The following TNFAIP8L3 variants were observed in gnomAD, a reference collection of about 807,000 sequenced individuals.
TNFAIP8L3 encodes the protein tumor necrosis factor alpha-induced protein 8-like protein 3.
In TNFAIP8L3, 7 loss-of-function variants were observed where a neutral mutation model predicts 11.8. The observed-to-expected ratio is 0.59, with a 90% CI of 0.34 to 1.11. TNFAIP8L3 has a LOEUF of 1.11. Among genes scored for constraint, TNFAIP8L3 ranks in the 50% most tolerant of loss-of-function variants. The pLI is 0.03. For synonymous variants in TNFAIP8L3, 98 were observed against 103.8 expected (o/e 0.94, Z 0.34); for missense variants, 219 against 258.6 (o/e 0.85, Z 1.05).
chr15:51,057,736 G>T lies in TNFAIP8L3; in HGVS notation c.*145C>A. ...GAAAAACACACCTGAGCTCAGTTCAGCATCAGAATCAGCATCAGAGGGATG... is the reference window on the plus strand; with the variant it reads ...GAAAAACACACCTGAGCTCAGTTCATCATCAGAATCAGCATCAGAGGGATG... On this transcript the variant is annotated 3_prime_UTR_variant, in exon 2 of 2. Coordinates refer to ENST00000637513, the MANE Select transcript of TNFAIP8L3 (RefSeq NM_001311175.2). 1 of 716,326 alleles carries T rather than the reference G, an allele frequency of 1.4e-6. No individual in the cohort carries two copies. The highest frequency in any genetic ancestry group is 2.2e-6 in the Non-Finnish European group (1 of 447,616). The allele number at this position is 716,326 out of a possible 1,614,324, so 44.4% of individuals were successfully genotyped here.
intron 1 of TNFAIP8L3, among the ~76,000 whole-genome samples, chr15:51,066,914 A>T (rs1595607402): frequency 6.6e-6 from 1 of 152,320 alleles, no homozygotes; most frequent in Non-Finnish European, 1.5e-5. Context: ...CCCTTGTATA[A>T]AACTGTTGTT....
At chr15:51,104,348 G>A (rs1230920694) in intron 1 of TNFAIP8L3, among the ~76,000 whole-genome samples, 3 of 152,056 alleles carry the variant, frequency 2.0e-5, no homozygotes, top group Non-Finnish European at 2.9e-5. Context: ...GCCAGAGTTC[G>A]AGCTTTCTCA....
intron 1 of TNFAIP8L3, among the ~76,000 whole-genome samples, chr15:51,070,274 A>C (rs1041904604): frequency 6.6e-6 from 1 of 152,224 alleles, no homozygotes; most frequent in Non-Finnish European, 1.5e-5. Context: ...TCACTGCAGA[A>C]AAGTAACCAT....
chr15:51,068,628 C>A (rs1469864371), intron 1 of TNFAIP8L3, among the ~76,000 whole-genome samples: 1 of 151,424 alleles, frequency 6.6e-6, no homozygotes, highest in Non-Finnish European at 1.5e-5. Context: ...GTCTCTCTCC[C>A]CTTTGTCGTC....
intron 1 of TNFAIP8L3, among the ~76,000 whole-genome samples, chr15:51,088,391 T>C (rs12911168): frequency 0.23 from 34,250 of 152,150 alleles, 4,085 homozygotes; most frequent in East Asian, 0.44. Flanking sequence ...CCAAATCACA[T>C]TGCCCTATGC....
At chr15:51,104,335 C>T (rs2065574372) in intron 1 of TNFAIP8L3, among the ~76,000 whole-genome samples, 1 of 152,142 alleles carries the variant, frequency 6.6e-6, no homozygotes, top group Admixed American at 6.5e-5. Flanking sequence ...CAGCTACACC[C>T]AAGCCAGAGT....
intron 1 of TNFAIP8L3, among the ~76,000 whole-genome samples, chr15:51,076,380 G>T (rs2065349937): frequency 6.6e-6 from 1 of 152,170 alleles, no homozygotes. Context: ...TCACGTAATG[G>T]GAGGGGCCAA....
chr15:51,094,251 TA>T lies in TNFAIP8L3; in HGVS notation c.52+292del, dbSNP rs2065493567. On this transcript the variant is annotated intron_variant, in intron 1 of 1. Coordinates refer to ENST00000637513, the MANE Select transcript of TNFAIP8L3 (RefSeq NM_001311175.2). This position sits in a 1 kb window ranked among gnomAD's most constrained non-coding sequence, Gnocchi z 4.4. ...CAACCCTCTCTGCAGCAAACTACAG[TA>T]CGCGGATTCCCGAACCCTTCCCCGC... Among the ~76,000 whole-genome samples, 1 of 152,134 alleles carries T rather than the reference TA, an allele frequency of 6.6e-6. No individual in the cohort carries two copies. Among genetic ancestry groups the T allele is most frequent in the African/African-American group, 2.4e-5 (1 of 41,436 alleles).
intron 1 of TNFAIP8L3, among the ~76,000 whole-genome samples, chr15:51,103,799 CT>C (rs2065570431): frequency 6.6e-6 from 1 of 152,232 alleles, no homozygotes; most frequent in African/African-American, 2.4e-5. Flanking sequence ...CATACTTTAA[CT>C]TCTCTTGATG....
chr15:51,095,473 G>C (rs1400210068), upstream of TNFAIP8L3, among the ~76,000 whole-genome samples: 1 of 152,098 alleles, frequency 6.6e-6, no homozygotes, highest in Non-Finnish European at 1.5e-5. Context: ...AGCGGGTTCC[G>C]GGGGCTCGGT....
At chr15:51,104,280 C>G (rs900375811) in intron 1 of TNFAIP8L3, among the ~76,000 whole-genome samples, 1 of 152,158 alleles carries the variant, frequency 6.6e-6, no homozygotes, top group Non-Finnish European at 1.5e-5. Flanking sequence ...ATTGCTGCAA[C>G]AGGACTCTCT....
At chr15:51,101,652 C>A (rs1462703112) in intron 1 of TNFAIP8L3, among the ~76,000 whole-genome samples, 1 of 144,692 alleles carries the variant, frequency 6.9e-6, no homozygotes, top group Non-Finnish European at 1.5e-5. Flanking sequence ...GAAAGAAAGA[C>A]AGAAAATATG....
intron 1 of TNFAIP8L3, among the ~76,000 whole-genome samples, chr15:51,104,606 C>T (rs1267171966): frequency 6.6e-6 from 1 of 152,148 alleles, no homozygotes; most frequent in East Asian, 1.9e-4. Flanking sequence ...CCCCTCCTTC[C>T]CCCAGCTTAA....
chr15:51,061,779 T>C (rs2062182753), intron 1 of TNFAIP8L3, among the ~76,000 whole-genome samples: 1 of 152,190 alleles, frequency 6.6e-6, no homozygotes, highest in Admixed American at 6.5e-5. Context: ...ATCATTTTAA[T>C]TATTTTAGGT....
upstream of TNFAIP8L3, among the ~76,000 whole-genome samples, chr15:51,097,779 C>T (rs541051935): frequency 6.6e-6 from 1 of 152,190 alleles, no homozygotes; most frequent in East Asian, 1.9e-4. Flanking sequence ...TATCCTATGA[C>T]CATCAACCCC....
In TNFAIP8L3 at chr15:51,068,660, G is replaced by GT. The variant is rs113982459; in HGVS notation, c.53-10218dup. ...CGTCCACCATCAAACCACCCCTCCT[G>GT]TTTTTTTTTTTTTTTTTTTTTTGCA... On this transcript the variant is annotated intron_variant, in intron 1 of 1. Coordinates refer to ENST00000637513, the MANE Select transcript of TNFAIP8L3 (RefSeq NM_001311175.2). Among the ~76,000 whole-genome samples, 726 of 116,294 alleles carry GT rather than the reference G, an allele frequency of 6.2e-3. 8 individuals carry two copies. The highest frequency in any genetic ancestry group is 0.011 in the East Asian group (35 of 3,242). 76.3% of individuals were successfully genotyped at this position (116,294 alleles called of 152,430 possible).
chr15:51,077,480 C>T (rs544878436), intron 1 of TNFAIP8L3, among the ~76,000 whole-genome samples: 1 of 152,332 alleles, frequency 6.6e-6, no homozygotes, highest in South Asian at 2.1e-4. Flanking sequence ...TGCTGCCCAC[C>T]CCGCTCCCAT....
chr15:51,093,896 A>G (rs2140982501), intron 1 of TNFAIP8L3, among the ~76,000 whole-genome samples: 1 of 152,280 alleles, frequency 6.6e-6, no homozygotes, highest in Non-Finnish European at 1.5e-5. Context: ...ATCGATTGTG[A>G]AAAGCCGGCG....
rs149640225 is a variant in TNFAIP8L3 at position 51,066,363 on chromosome 15, A to C, written c.53-7920T>G. On this transcript the variant is annotated intron_variant, in intron 1 of 1. Transcript: ENST00000637513. ...TTTTTAGTAGAGACGGGGTTTCAACATGTTGGCCAGGCTGGTCTACGAACT... is the reference window on the plus strand; with the variant it reads ...TTTTTAGTAGAGACGGGGTTTCAACCTGTTGGCCAGGCTGGTCTACGAACT... 4.4e-3 allele frequency among the ~76,000 whole-genome samples: 677 copies of C among 152,142 alleles called. 5 individuals are homozygous for C. Among genetic ancestry groups the C allele is most frequent in the African/African-American group, 0.015 (632 of 41,508 alleles).
Sources: allele counts gnomAD v4.1 joint callset (sites outside exome capture counted in the v4.1 genomes callset), GRCh38; gene constraint gnomAD v4.1.1; non-coding constraint Gnocchi (gnomAD v3.1); transcripts MANE v1.5; gene names NCBI Gene and HGNC (gene_info 2026-07-23, HGNC 2026-07-21).